Variants in DPH7 observed in about 807,000 individuals in gnomAD.
The protein encoded by DPH7 is diphthamide biosynthesis 7, also known as diphthine methyltransferase.
In DPH7, 44 loss-of-function variants were observed where a neutral mutation model predicts 41.7. The observed-to-expected ratio is 1.05, with a 90% CI of 0.83 to 1.36. The LOEUF is 1.36. DPH7 is among the 40% of genes most tolerant of loss of function. The probability of loss-of-function intolerance (pLI) is 0.00; values close to 1 mark genes in which losing one functional copy is unlikely to be tolerated. For synonymous variants in DPH7, 275 were observed against 238.0 expected (o/e 1.16, Z -1.43); for missense variants, 629 against 577.5 (o/e 1.09, Z -0.91).
rs571707078 is a variant in DPH7, at chr9:137,576,449, A to G, written c.288-282T>C. 37 of 367,012 alleles carry G rather than the reference A, an allele frequency of 1.0e-4. 1 individual carries two copies. Among genetic ancestry groups the G allele is most frequent in the African/African-American group, 7.4e-4 (37 of 49,832 alleles). 22.7% of individuals were successfully genotyped at this position (367,012 alleles called of 1,614,324 possible). A position where few individuals can be genotyped will look rare whatever the true frequency, so the allele number is the denominator to read the frequency against. ...TAAGAATACAATATAAAGGATAAAA[A>G]ACAGGTGGCCGGGCATGGTGGCTCA... On this transcript the variant is annotated intron_variant, in intron 2 of 8. Transcript: ENST00000277540.
chr9:137,571,072 C>T (rs1169273402), intron 5 of DPH7, among the ~76,000 whole-genome samples: 6 of 152,136 alleles, frequency 3.9e-5, no homozygotes, highest in Admixed American at 3.3e-4. Context: ...GCAGGAGGAT[C>T]GCTTGACCCT....
chr9:137,575,022 A>G, intron 3 of DPH7, 179 bp from the exon 4 acceptor site: 5 of 1,407,082 alleles, frequency 3.6e-6, no homozygotes, highest in East Asian at 5.3e-5. Context: ...GGCCCCGAGA[A>G]GACCTGGGGA....
At chr9:137,575,378 A>G (rs1841200204) in intron 3 of DPH7, 1 of 988,142 alleles carries the variant, frequency 1.0e-6, no homozygotes, top group Non-Finnish European at 1.2e-6. Context: ...CCCTGCTCCC[A>G]GCAGGCTGCT....
In DPH7 at chr9:137,574,466, C is replaced by G. The variant is rs1841035493; in HGVS notation, c.468-86G>C. On this transcript the variant is annotated intron_variant, in intron 4 of 8. Transcript: ENST00000277540. ...TCCCAAACAAGTCCTGAGAGACGGT[C>G]TCCACAGCCCTGGGATGCGGATATG... The G allele has an allele frequency of 2.1e-6, 3 of 1,427,786 alleles. No individual in the cohort carries two copies. The South Asian group carries it at 3.7e-5, about 18-fold the overall frequency. The allele number at this position is 1,427,786 out of a possible 1,614,324, so 88.4% of individuals were successfully genotyped here.
chr9:137,564,868 G>A (rs1222460198), intron 7 of DPH7, 25 bp downstream of exon 7: 6 of 1,579,078 alleles, frequency 3.8e-6, no homozygotes, highest in Non-Finnish European at 5.2e-6. Flanking sequence ...GACGAGAAGG[G>A]CCCGAGAGCC....
At chr9:137,560,478 T>C (rs549488147) in intron 8 of DPH7, among the ~76,000 whole-genome samples, 8 of 152,108 alleles carry the variant, frequency 5.3e-5, no homozygotes, top group Admixed American at 1.3e-4. Context: ...CCCAGCACTT[T>C]GGGAGGCCGA....
In DPH7 at chr9:137,555,586, C is replaced by T. The variant is rs764689639; in HGVS notation, c.1012G>A (p.Ala338Thr). The T allele has an allele frequency of 6.2e-7, 1 of 1,613,304 alleles. No individual in the cohort carries two copies. Among genetic ancestry groups the T allele is most frequent in the Admixed American group, 1.7e-5 (1 of 59,986 alleles). ...CGGAAGAGCAGCCAGGACCAGTCGGCTCCATACACCAGCGAGTCGGGCAAT... is the reference window on the plus strand; with the variant it reads ...CGGAAGAGCAGCCAGGACCAGTCGGTTCCATACACCAGCGAGTCGGGCAAT... ...HTLPDSLVYG[A>T]DWSWLLFRSL... The change falls in exon 9 of 9, where the codon GCC (alanine) becomes ACC (threonine). Residue 338 changes from alanine to threonine, a missense_variant. Ala to Thr is a moderately conservative substitution (Grantham distance 58, BLOSUM62 0). Coordinates refer to ENST00000277540, the MANE Select transcript of DPH7 (RefSeq NM_138778.5).
intron 3 of DPH7, 74 bp downstream of exon 3, chr9:137,576,006 A>G: frequency 1.2e-6 from 2 of 1,600,342 alleles, no homozygotes; most frequent in Non-Finnish European, 1.7e-6. Flanking sequence ...AAATGTCTGT[A>G]TCAGCACAGC....
At position 137,564,615 on chromosome 9, in the gene DPH7, G is replaced by A. The variant is rs1007723462; in HGVS notation, c.777-9C>T. 5.0e-6 allele frequency: 8 copies of A among 1,606,038 alleles called. No homozygotes were observed. Among genetic ancestry groups the A allele is most frequent in the Non-Finnish European group, 5.1e-6 (6 of 1,173,652 alleles). ...GGATGTGTTCATCATAGCTGAAACC[G>A]ACCAACCACAGGAGGCATATAAGGA... On this transcript the variant is annotated splice_polypyrimidine_tract_variant and intron_variant, in intron 7 of 8. Transcript: ENST00000277540.
intron 1 of DPH7, chr9:137,578,361 T>G: frequency 3.3e-6 from 1 of 302,884 alleles, no homozygotes. Context: ...AGAGACGGGG[T>G]TTCACCATGT....
At chr9:137,563,204 T>C (rs1057290074) in intron 8 of DPH7, among the ~76,000 whole-genome samples, 2 of 151,180 alleles carry the variant, frequency 1.3e-5, no homozygotes, top group African/African-American at 4.9e-5. Flanking sequence ...ACAGAAACAA[T>C]ACAGAAGAGA....
chr9:137,576,354 C>T (rs919769963), intron 2 of DPH7, 187 bp from the exon 3 acceptor site: 8 of 577,154 alleles, frequency 1.4e-5, no homozygotes, highest in African/African-American at 1.1e-4. Flanking sequence ...ACAAACCTTA[C>T]AGCATGTTAC....
chr9:137,576,216 C>T (rs370814331), intron 2 of DPH7, 49 bp from the exon 3 acceptor site: 87 of 1,538,996 alleles, frequency 5.7e-5, no homozygotes, highest in Admixed American at 1.5e-4. Context: ...GGAGCACAGG[C>T]GTGCACTGTG....
rs1802166052 is a variant in DPH7, at chr9:137,554,836, C to G, written c.*403G>C. On this transcript the variant is annotated 3_prime_UTR_variant, in exon 9 of 9. Transcript: ENST00000277540. ...GATTTTTGGACTGGCTGTGCTCAAT[C>G]TATACAAGCATTTCTGGTGCCATGA... 6.2e-6 allele frequency: 1 copy of G among 161,818 alleles called. No individual in the cohort carries two copies. The highest frequency in any genetic ancestry group is 6.4e-5 in the Admixed American group (1 of 15,696). 10.0% of individuals were successfully genotyped at this position (161,818 alleles called of 1,614,324 possible).
rs1841096392 is a variant in DPH7 at position 137,574,817 on chromosome 9, G to A, written c.402C>T (p.Ser134=). The change falls in exon 4 of 9, where the codon TCC becomes TCT. Residue 134 remains serine, a synonymous_variant. Transcript: ENST00000277540. ...GACACTGCTCCTCCAGGGCAAGGCT[G>A]GACAATGGCTCCAGCACGTGGCTCT... ...SEKSHVLEPL[S]SLALEEQCLA... is the part of the protein sequence containing the mutation. 1.2e-6 allele frequency: 2 copies of A among 1,613,910 alleles called. No individual in the cohort carries two copies. The highest frequency in any genetic ancestry group is 8.5e-7 in the Non-Finnish European group (1 of 1,179,976).
chr9:137,561,457 G>A (rs991305458), intron 8 of DPH7, among the ~76,000 whole-genome samples: 9 of 150,730 alleles, frequency 6.0e-5, no homozygotes, highest in East Asian at 2.0e-4. Context: ...GGAGAATGGC[G>A]GCGTGAACCC....
intron 2 of DPH7, among the ~76,000 whole-genome samples, 192 bp downstream of exon 2, chr9:137,577,278 C>T (rs1222003291): frequency 6.6e-6 from 1 of 152,170 alleles, no homozygotes; most frequent in African/African-American, 2.4e-5. Context: ...CCCATCACTT[C>T]CCCGGCTGGA....
At position 137,564,672 on chromosome 9, in the gene DPH7, T is replaced by TG. The variant is rs561058596; in HGVS notation, c.777-67dup. 1,053 of 1,569,410 alleles carry TG rather than the reference T, an allele frequency of 6.7e-4. 3 individuals carry two copies. The highest frequency in any genetic ancestry group is 8.3e-4 in the Non-Finnish European group (953 of 1,153,866). On this transcript the variant is annotated intron_variant, in intron 7 of 8. Transcript: ENST00000277540. ...AGGCTCACCTGTTCCACAAGGCCCC[T>TG]GGGGGGCACAGAACGTCTCCCAGAG...
At chr9:137,574,892 C>T in intron 3 of DPH7, 49 bp from the exon 4 acceptor site, 1 of 1,608,290 alleles carries the variant, frequency 6.2e-7, no homozygotes, top group Non-Finnish European at 8.5e-7. Context: ...CGCCCCAGAA[C>T]CCCCAAAAGA....
Sources: gnomAD v4.1 joint callset for allele counts (sites outside exome capture counted in the v4.1 genomes callset) on GRCh38, gnomAD v4.1.1 for gene constraint, MANE v1.5 for transcripts, NCBI Gene and HGNC (gene_info 2026-07-23, HGNC 2026-07-21) for gene names.